Variants in STK32B observed in about 807,000 individuals in gnomAD.
STK32B encodes the protein serine/threonine kinase 32B, also known as serine/threonine-protein kinase 32B.
A neutral mutation model predicts 52.6 loss-of-function variants in STK32B; 43 were observed. The observed-to-expected ratio is 0.82, with a 90% CI of 0.64 to 1.05. The LOEUF (loss-of-function observed/expected upper bound fraction) is 1.05, where lower values mean the gene tolerates loss of function less well. STK32B is among the 50% of genes least tolerant of loss of function. The probability of loss-of-function intolerance (pLI) is 0.00; values close to 1 mark genes in which losing one functional copy is unlikely to be tolerated. For missense variants in STK32B, 621 were observed against 534.6 expected, an observed-to-expected ratio of 1.16 and a Z score of -1.59; for synonymous variants, 238 against 204.3, an observed-to-expected ratio of 1.17 and a Z score of -1.41.
chr4:5,353,645 A>T (rs1480380056), intron 4 of STK32B, among the ~76,000 whole-genome samples: 1 of 152,216 alleles, frequency 6.6e-6, no homozygotes, highest in Non-Finnish European at 1.5e-5. Context: ...AAACTGCTCA[A>T]CATCACTAAT....
At chr4:5,188,469 C>T (rs1720920271) in intron 3 of STK32B, among the ~76,000 whole-genome samples, 1 of 152,168 alleles carries the variant, frequency 6.6e-6, no homozygotes, top group South Asian at 2.1e-4. Flanking sequence ...CCTCCCACCC[C>T]TGCTAGGTCT....
intron 3 of STK32B, among the ~76,000 whole-genome samples, chr4:5,237,954 A>G (rs1334321468): frequency 6.6e-6 from 1 of 152,184 alleles, no homozygotes; most frequent in African/African-American, 2.4e-5. Flanking sequence ...TCACAGTTGG[A>G]GGCCCTTTTT....
intron 7 of STK32B, among the ~76,000 whole-genome samples, chr4:5,449,266 C>T (rs529059006): frequency 6.6e-6 from 1 of 152,244 alleles, no homozygotes; most frequent in South Asian, 2.1e-4. Context: ...TTGCTTGAAC[C>T]CGGGAAGCGG....
At chr4:5,474,727 T>C (rs558315202) in intron 11 of STK32B, among the ~76,000 whole-genome samples, 35 of 152,294 alleles carry the variant, frequency 2.3e-4, no homozygotes, top group African/African-American at 8.4e-4. Flanking sequence ...GTGCTGGCCA[T>C]GGGGGAGCTA....
intron 3 of STK32B, among the ~76,000 whole-genome samples, chr4:5,271,981 T>C (rs1271286934): frequency 1.3e-5 from 2 of 149,022 alleles, no homozygotes; most frequent in Admixed American, 6.6e-5. Context: ...CTTTTCCTAA[T>C]TGAATACCCT....
chr4:5,160,717 G>C (rs148378983), intron 2 of STK32B, among the ~76,000 whole-genome samples: 2 of 152,338 alleles, frequency 1.3e-5, no homozygotes, highest in African/African-American at 2.4e-5. Context: ...TGCAGTGAAC[G>C]TAAGAGAAAA....
intron 8 of STK32B, among the ~76,000 whole-genome samples, chr4:5,459,542 G>A (rs1053938001): frequency 5.3e-5 from 8 of 152,132 alleles, no homozygotes; most frequent in African/African-American, 1.4e-4. Context: ...TGGGAGGCCC[G>A]CTGGGATGCC....
At chr4:5,277,555 G>GT (rs1193850851) in intron 3 of STK32B, among the ~76,000 whole-genome samples, 1 of 152,172 alleles carries the variant, frequency 6.6e-6, no homozygotes, top group East Asian at 1.9e-4. Flanking sequence ...GTCTCCATTT[G>GT]TAACATGCGG....
At chr4:5,196,585 G>T (rs943714442) in intron 3 of STK32B, among the ~76,000 whole-genome samples, 5 of 151,814 alleles carry the variant, frequency 3.3e-5, no homozygotes, top group African/African-American at 1.2e-4. Context: ...GCTGGGCATG[G>T]TGGCGCACGC....
chr4:5,175,958 G>T (rs1195151474), intron 3 of STK32B, among the ~76,000 whole-genome samples: 1 of 152,256 alleles, frequency 6.6e-6, no homozygotes, highest in Non-Finnish European at 1.5e-5. Context: ...ACCCACTCGA[G>T]CTTCCCAGCT....
At chr4:5,201,212 G>A (rs978001407) in intron 3 of STK32B, among the ~76,000 whole-genome samples, 1 of 152,136 alleles carries the variant, frequency 6.6e-6, no homozygotes, top group Non-Finnish European at 1.5e-5. Context: ...GGAGTGAGGA[G>A]GGGCAAAGGA....
In STK32B at chr4:5,378,462, TATC is replaced by T. The variant is rs1383176767; in HGVS notation, c.435-19742_435-19740del. ...TGACGTGAGTTAAATCATTTACAAT[TATC>T]ATGATTCCTGATACATTTGAACTTG... On this transcript the variant is annotated intron_variant, in intron 4 of 11. Transcript: ENST00000282908. The surrounding 1 kb of genome is among the most constrained non-coding windows in gnomAD (Gnocchi z 4.4). Among the ~76,000 whole-genome samples, 1 of 152,230 alleles carries T rather than the reference TATC, an allele frequency of 6.6e-6. No individual in the cohort carries two copies. The highest frequency in any genetic ancestry group is 1.5e-5 in the Non-Finnish European group (1 of 68,046).
chr4:5,180,197 C>A (rs910678389), intron 3 of STK32B, among the ~76,000 whole-genome samples: 44 of 152,296 alleles, frequency 2.9e-4, no homozygotes, highest in African/African-American at 9.6e-4. Flanking sequence ...AAAGCAGGGC[C>A]CCAAGCAGTT....
intron 3 of STK32B, among the ~76,000 whole-genome samples, chr4:5,314,887 T>C (rs1730560016): frequency 6.6e-6 from 1 of 151,940 alleles, no homozygotes; most frequent in Non-Finnish European, 1.5e-5. Context: ...ATAACATTGA[T>C]AGAAAAAGAG....
chr4:5,043,774 A>T, the STK32B span, among the ~76,000 whole-genome samples: 1 of 152,232 alleles, frequency 6.6e-6, no homozygotes, highest in Non-Finnish European at 1.5e-5. Context: ...GTTGGCTGGA[A>T]CTTAGTCCCA....
chr4:5,144,955 C>T (rs1374549651), intron 2 of STK32B, among the ~76,000 whole-genome samples: 2 of 152,148 alleles, frequency 1.3e-5, no homozygotes, highest in Non-Finnish European at 2.9e-5. Context: ...GAGTAATAAA[C>T]AGTCAACTAT....
intron 1 of STK32B, among the ~76,000 whole-genome samples, chr4:5,122,386 TCAC>T (rs1715094875): frequency 6.6e-6 from 1 of 150,464 alleles, no homozygotes; most frequent in African/African-American, 2.5e-5. Context: ...ATTCATTCAC[TCAC>T]TCATTCATTC....
intron 6 of STK32B, among the ~76,000 whole-genome samples, chr4:5,423,389 G>A (rs1399729344): frequency 2.0e-5 from 3 of 152,122 alleles, no homozygotes; most frequent in Admixed American, 6.5e-5. Flanking sequence ...CAGAATCCTC[G>A]TCTGAGAAAT....
chr4:5,229,501 C>G (rs11724079), intron 3 of STK32B, among the ~76,000 whole-genome samples: 28,889 of 152,022 alleles, frequency 0.19, 3,216 homozygotes, highest in East Asian at 0.35. Flanking sequence ...ATAGCTTCCT[C>G]TCCTCCAAAG....
Sources: gnomAD v4.1 joint callset for allele counts (sites outside exome capture counted in the v4.1 genomes callset) on GRCh38, gnomAD v4.1.1 for gene constraint, Gnocchi (gnomAD v3.1) non-coding constraint, MANE v1.5 for transcripts, NCBI Gene and HGNC (gene_info 2026-07-23, HGNC 2026-07-21) for gene names.